RARB: variants seen among roughly 807,000 people sequenced by gnomAD.
The protein encoded by RARB is retinoic acid receptor beta, also known as HBV-activated protein.
A neutral mutation model predicts 51.9 loss-of-function variants in RARB; 17 were observed. That is an observed-to-expected ratio of 0.33 (90% CI 0.22 to 0.49). The LOEUF (loss-of-function observed/expected upper bound fraction) is 0.49, where lower values mean the gene tolerates loss of function less well. RARB is among the 20% of genes least tolerant of loss of function. RARB has a pLI of 0.99. For missense variants in RARB, 369 were observed against 550.8 expected, an observed-to-expected ratio of 0.67 and a Z score of 3.30; for synonymous variants, 215 against 195.4, an observed-to-expected ratio of 1.10 and a Z score of -0.84.
intron 2 of RARB, among the ~76,000 whole-genome samples, chr3:25,047,883 C>A (rs578152851): frequency 6.6e-6 from 1 of 152,204 alleles, no homozygotes; most frequent in East Asian, 1.9e-4. Context: ...TTGTAATAAT[C>A]CCCACCTGTA....
intron 3 of RARB, among the ~76,000 whole-genome samples, chr3:25,564,294 A>G (rs1203526930): frequency 6.6e-6 from 1 of 152,206 alleles, no homozygotes; most frequent in Non-Finnish European, 1.5e-5. Context: ...TATGCCACCA[A>G]ATCTGATTTG....
In RARB at chr3:25,124,846, C is replaced by A. The variant is rs371065530; in HGVS notation, c.-327-7315C>A. Among the ~76,000 whole-genome samples, 7 of 152,258 alleles carry A rather than the reference C, an allele frequency of 4.6e-5. No individual in the cohort carries two copies. The East Asian group carries it at 9.6e-4, about 21-fold the overall frequency. ...GTTGTAGACACTATACCATTGGTCA[C>A]CTATTTCTATGTTCCTTATGTATTT... On this transcript the variant is annotated intron_variant, in intron 3 of 11. Transcript: ENST00000383772.
intron 4 of RARB, among the ~76,000 whole-genome samples, chr3:25,572,460 G>A (rs945284004): frequency 6.6e-6 from 1 of 152,128 alleles, no homozygotes; most frequent in African/African-American, 2.4e-5. Context: ...GGTACAGAAA[G>A]GCTCGATAAC....
intron 3 of RARB, among the ~76,000 whole-genome samples, chr3:25,561,104 G>A (rs761700864): frequency 6.6e-6 from 1 of 152,088 alleles, no homozygotes; most frequent in Non-Finnish European, 1.5e-5. Flanking sequence ...AATAAATGAC[G>A]AGCTAAAATG....
At chr3:25,287,050 A>T (rs538421116) in intron 5 of RARB, among the ~76,000 whole-genome samples, 11 of 152,316 alleles carry the variant, frequency 7.2e-5, no homozygotes, top group Admixed American at 5.9e-4. Context: ...CGAACAATGG[A>T]AGAGGCAGTT....
chr3:25,135,331 C>A (rs1700015742), intron 4 of RARB, among the ~76,000 whole-genome samples: 1 of 151,800 alleles, frequency 6.6e-6, no homozygotes, highest in African/African-American at 2.4e-5. Context: ...ACTACCATAT[C>A]GGATGACACA....
At chr3:25,491,982 C>T (rs1321173347) in intron 2 of RARB, among the ~76,000 whole-genome samples, 1 of 152,092 alleles carries the variant, frequency 6.6e-6, no homozygotes, top group Admixed American at 6.6e-5. Context: ...AATTTTAAGA[C>T]AGTGACAGCA....
At chr3:25,255,219 T>C (rs1012448735) in intron 5 of RARB, among the ~76,000 whole-genome samples, 1 of 152,162 alleles carries the variant, frequency 6.6e-6, no homozygotes. Flanking sequence ...AACACAAATA[T>C]GAATTTTTTC....
chr3:25,203,259 C>A (rs1701443536), intron 5 of RARB, among the ~76,000 whole-genome samples: 1 of 152,080 alleles, frequency 6.6e-6, no homozygotes, highest in African/African-American at 2.4e-5. Flanking sequence ...GCAACCCCTG[C>A]CTTTTTTTGT....
rs568626427 is a variant in RARB, at chr3:25,391,918, G to C, written c.179-69275G>C. Among the ~76,000 whole-genome samples, 28 of 152,138 alleles carry C rather than the reference G, an allele frequency of 1.8e-4. 2 individuals carry two copies. Among genetic ancestry groups the C allele is most frequent in the South Asian group, 1.7e-3 (8 of 4,818 alleles). On this transcript the variant is annotated intron_variant, in intron 5 of 11. Coordinates refer to the RARB transcript ENST00000383772. ...AATTAAGTCTCATCTATTTATCTTT[G>C]TTTTTATTGCATTTGCTTTTGAATT...
At chr3:25,313,565 T>A (rs1189666078) in intron 5 of RARB, among the ~76,000 whole-genome samples, 1 of 152,204 alleles carries the variant, frequency 6.6e-6, no homozygotes, top group Admixed American at 6.5e-5. Context: ...GTAGTGCTTG[T>A]CTTTTGCTAA....
intron 2 of RARB, among the ~76,000 whole-genome samples, chr3:25,471,146 T>C (rs917431759): frequency 6.6e-6 from 1 of 152,236 alleles, no homozygotes; most frequent in Non-Finnish European, 1.5e-5. Flanking sequence ...TAAACATTCA[T>C]GGAATTATAT....
chr3:25,578,437 G>A (rs1391301816), intron 4 of RARB, among the ~76,000 whole-genome samples: 1 of 152,230 alleles, frequency 6.6e-6, no homozygotes, highest in Non-Finnish European at 1.5e-5. Context: ...ATGCAATGTT[G>A]ATGAAGGTTT....
At chr3:25,102,539 CA>C (rs199764472) in intron 3 of RARB, among the ~76,000 whole-genome samples, 3 of 144,838 alleles carry the variant, frequency 2.1e-5, no homozygotes, top group Non-Finnish European at 3.0e-5. Context: ...GACTCTGTCT[CA>C]AAAAAAAATG....
chr3:24,934,197 C>T lies in RARB; in HGVS notation c.-380+75445C>T, dbSNP rs377211692. ...GTCCTAGCTAGCCAGAGGAGGGAAC[C>T]GGCAAAGACATTTCATTGTGGCTCT... On this transcript the variant is annotated intron_variant, in intron 2 of 11. Coordinates refer to the RARB transcript ENST00000383772. Among the ~76,000 whole-genome samples, 9 of 152,200 alleles carry T rather than the reference C, an allele frequency of 5.9e-5. No individual in the cohort carries two copies. In the East Asian group the frequency reaches 1.2e-3, roughly 20 times the overall value.
chr3:24,924,952 C>T (rs1695286906), intron 2 of RARB, among the ~76,000 whole-genome samples: 2 of 152,084 alleles, frequency 1.3e-5, no homozygotes, highest in South Asian at 4.1e-4. Context: ...TGGTAGTCAA[C>T]CACTATAGAC....
chr3:25,419,187 G>A lies in RARB; in HGVS notation c.179-42006G>A, dbSNP rs144027818. Among the ~76,000 whole-genome samples, 1,195 of 152,132 alleles carry A rather than the reference G, an allele frequency of 7.9e-3. 10 individuals are homozygous for A. Among genetic ancestry groups the A allele is most frequent in the East Asian group, 0.027 (137 of 5,164 alleles). On this transcript the variant is annotated intron_variant, in intron 5 of 11. Coordinates refer to the RARB transcript ENST00000383772. ...GGTGCTCTGTGTCCCTGTGTCTTCC[G>A]AGACAACGATGTTCCTTTCTTATGT...
intron 3 of RARB, among the ~76,000 whole-genome samples, chr3:25,070,138 C>G (rs894476017): frequency 5.9e-5 from 9 of 152,166 alleles, no homozygotes; most frequent in African/African-American, 1.9e-4. Context: ...TCTATTACTC[C>G]AATCTCTGCC....
At chr3:25,494,384 C>A (rs960402190) in intron 2 of RARB, among the ~76,000 whole-genome samples, 4 of 152,104 alleles carry the variant, frequency 2.6e-5, no homozygotes, top group Admixed American at 2.0e-4. Flanking sequence ...GGAAAGCCTG[C>A]CTTTCCAATT....
Sources: allele counts gnomAD v4.1 joint callset (sites outside exome capture counted in the v4.1 genomes callset), GRCh38; gene constraint gnomAD v4.1.1; transcripts MANE v1.5; gene names NCBI Gene and HGNC (gene_info 2026-07-23, HGNC 2026-07-21).